Variants in CES5A observed in about 807,000 individuals in gnomAD.
The protein encoded by CES5A is carboxylesterase 5.
Under a neutral mutation model 62.9 loss-of-function variants are expected in CES5A, and 67 were observed. The ratio of observed to expected loss-of-function variants is 1.07; its 90% CI spans 0.88 to 1.31. CES5A has a LOEUF of 1.31. Ranked by LOEUF, CES5A falls within the 50% of genes most tolerant of loss-of-function variation. The pLI is 0.00. For missense variants in CES5A, 748 were observed against 708.5 expected, an observed-to-expected ratio of 1.06 and a Z score of -0.63; for synonymous variants, 296 against 280.8, an observed-to-expected ratio of 1.05 and a Z score of -0.54.
At chr16:55,862,600 A>AT (rs1469974960) in intron 6 of CES5A, among the ~76,000 whole-genome samples, 2 of 152,168 alleles carry the variant, frequency 1.3e-5, no homozygotes, top group South Asian at 2.1e-4. Context: ...TATTGAGGGA[A>AT]TTTTTTTAAA....
In CES5A at chr16:55,869,681, C is replaced by T. The variant is rs552972383; in HGVS notation, c.481G>A (p.Ala161Thr). Residue 161 changes from alanine to threonine, a missense_variant, in exon 4 of 13, where the codon GCC becomes ACC. Physicochemically the swap from Ala to Thr is moderately conservative, Grantham distance 58 (BLOSUM62 0). Coordinates refer to ENST00000290567, the MANE Select transcript of CES5A (RefSeq NM_001143685.2). ...AGCACGTCCTCATAGGCAGCCAGGG[C>T]GGACCCATCAAAGATGGAGGCTGAG... ...TGSASIFDGSALAAYEDVLVV... is the reference protein window; with the variant it reads ...TGSASIFDGSTLAAYEDVLVV... 8.7e-5 allele frequency: 140 copies of T among 1,610,338 alleles called. 2 individuals are homozygous for T. In the South Asian group the frequency reaches 1.3e-3, roughly 15 times the overall value.
chr16:55,937,422 T>C (rs368062589), intron 2 of CES5A, among the ~76,000 whole-genome samples: 13 of 152,326 alleles, frequency 8.5e-5, no homozygotes, highest in African/African-American at 2.9e-4. Flanking sequence ...AAGGCCTCCA[T>C]CCTGAAGTGA....
chr16:55,885,198 C>A (rs936507482), intron 1 of CES5A, among the ~76,000 whole-genome samples: 25 of 152,162 alleles, frequency 1.6e-4, no homozygotes, highest in Non-Finnish European at 3.4e-4. Context: ...ACAGCATTCC[C>A]CCTAATGTGG....
intron 2 of CES5A, among the ~76,000 whole-genome samples, chr16:55,934,128 C>T (rs1376903424): frequency 6.6e-6 from 1 of 152,192 alleles, no homozygotes; most frequent in Non-Finnish European, 1.5e-5. Context: ...AAATTGCAAT[C>T]CAACCCCAAC....
intron 1 of CES5A, among the ~76,000 whole-genome samples, chr16:55,889,188 C>T (rs577548795): frequency 2.6e-5 from 4 of 152,142 alleles, no homozygotes; most frequent in African/African-American, 9.6e-5. Flanking sequence ...CCATTCAACG[C>T]AATGCTTCTG....
At chr16:55,895,617 C>T (rs2033923653) in intron 1 of CES5A, among the ~76,000 whole-genome samples, 1 of 151,916 alleles carries the variant, frequency 6.6e-6, no homozygotes, top group Non-Finnish European at 1.5e-5. Flanking sequence ...TAACCTGTTG[C>T]TTTTTTTGTT....
intron 7 of CES5A, 29 bp downstream of exon 7, chr16:55,861,383 G>C: frequency 7.7e-7 from 1 of 1,302,712 alleles, no homozygotes; most frequent in Non-Finnish European, 1.1e-6. Context: ...GGGCAAGCCT[G>C]CCCCCAAAAC....
At chr16:55,937,892 G>A (rs1479394279) in intron 2 of CES5A, among the ~76,000 whole-genome samples, 3 of 152,176 alleles carry the variant, frequency 2.0e-5, no homozygotes, top group Admixed American at 6.5e-5. Context: ...ACCATGCCAG[G>A]CACCTGCCTC....
chr16:55,904,124 C>T (rs1567348299), intron 1 of CES5A, among the ~76,000 whole-genome samples: 1 of 152,174 alleles, frequency 6.6e-6, no homozygotes, highest in Non-Finnish European at 1.5e-5. Flanking sequence ...AAAGATTTTT[C>T]ACGTCTGGGA....
chr16:55,869,085 G>A (rs1413611190), intron 4 of CES5A, among the ~76,000 whole-genome samples: 9 of 152,228 alleles, frequency 5.9e-5, no homozygotes, highest in African/African-American at 1.7e-4. Context: ...AGACACCACC[G>A]ACTGCTCACA....
chr16:55,948,772 G>A (rs1327213127), intron 2 of CES5A, among the ~76,000 whole-genome samples: 6 of 152,192 alleles, frequency 3.9e-5, no homozygotes, highest in African/African-American at 1.4e-4. Flanking sequence ...CAGGTGGTGA[G>A]AAAGGGTCAA....
chr16:55,891,000 G>A (rs1008380997), intron 1 of CES5A, among the ~76,000 whole-genome samples: 7 of 151,506 alleles, frequency 4.6e-5, no homozygotes, highest in South Asian at 2.1e-4. Context: ...GACTCATTCC[G>A]ATTACCTGCT....
chr16:55,933,021 A>G (rs73555826), intron 2 of CES5A, among the ~76,000 whole-genome samples: 5,707 of 152,334 alleles, frequency 0.037, 356 homozygotes, highest in African/African-American at 0.13. Flanking sequence ...GTAGTTAAGT[A>G]ACACTCAATA....
chr16:55,855,923 C>T (rs1230574507), intron 9 of CES5A, among the ~76,000 whole-genome samples: 4 of 152,156 alleles, frequency 2.6e-5, no homozygotes, highest in African/African-American at 9.7e-5. Context: ...GGGGCAGTTT[C>T]TCATGAATGG....
At chr16:55,911,863 A>T (rs1015371163) in intron 1 of CES5A, among the ~76,000 whole-genome samples, 2 of 152,292 alleles carry the variant, frequency 1.3e-5, no homozygotes, top group Middle Eastern at 3.4e-3. Flanking sequence ...ACCTCCAAAC[A>T]GCTCCTGCCC....
At position 55,849,232 on chromosome 16, in the gene CES5A, T is replaced by C. The variant is rs1426885237; in HGVS notation, c.1423+392A>G. Among the ~76,000 whole-genome samples, 7 of 152,120 alleles carry C rather than the reference T, an allele frequency of 4.6e-5. No individual in the cohort carries two copies. In the East Asian group the frequency reaches 7.7e-4, roughly 17 times the overall value. On this transcript the variant is annotated intron_variant, in intron 11 of 12. Coordinates refer to ENST00000290567, the MANE Select transcript of CES5A (RefSeq NM_001143685.2). ...TGCAGACCACTTTGAGCTGGAATTATGAAAAACATGGTCCTTGCCTCTTAA... is the reference window on the plus strand; with the variant it reads ...TGCAGACCACTTTGAGCTGGAATTACGAAAAACATGGTCCTTGCCTCTTAA...
At chr16:55,948,867 G>A (rs1393467204) in intron 2 of CES5A, among the ~76,000 whole-genome samples, 4 of 152,154 alleles carry the variant, frequency 2.6e-5, no homozygotes, top group Admixed American at 2.6e-4. Context: ...GGTCAGAAAT[G>A]ACTCCAAGAT....
chr16:55,931,155 C>T (rs76155230), intron 2 of CES5A, among the ~76,000 whole-genome samples: 2,292 of 152,284 alleles, frequency 0.015, 72 homozygotes, highest in African/African-American at 0.052. Context: ...TCCACTCCAC[C>T]CTCTGCTATT....
intron 1 of CES5A, among the ~76,000 whole-genome samples, chr16:55,880,876 G>C (rs1178579397): frequency 6.6e-6 from 1 of 152,180 alleles, no homozygotes; most frequent in East Asian, 1.9e-4. Flanking sequence ...TTTAAAGATA[G>C]CTGTGTCTCC....
Sources: gnomAD v4.1 joint callset for allele counts (sites outside exome capture counted in the v4.1 genomes callset) on GRCh38, gnomAD v4.1.1 for gene constraint, MANE v1.5 for transcripts, NCBI Gene and HGNC (gene_info 2026-07-23, HGNC 2026-07-21) for gene names.